NFATC2: variants seen among roughly 807,000 people sequenced by gnomAD.
NFATC2 encodes nuclear factor of activated T cells 2.
In NFATC2, 22 loss-of-function variants were observed where a neutral mutation model predicts 87.3. The ratio of observed to expected loss-of-function variants is 0.25; its 90% CI spans 0.18 to 0.36. The LOEUF is 0.36. Among genes scored for constraint, NFATC2 ranks in the 10% least tolerant of loss-of-function variants. The pLI is 1.00. For synonymous variants in NFATC2, 565 were observed against 542.2 expected (o/e 1.04, Z -0.58); for missense variants, 1,149 against 1,259.1 (o/e 0.91, Z 1.32).
At chr20:51,477,186 T>C (rs187890758) in intron 3 of NFATC2, among the ~76,000 whole-genome samples, 42 of 152,116 alleles carry the variant, frequency 2.8e-4, no homozygotes, top group African/African-American at 9.9e-4. Context: ...AGAAGCACTT[T>C]AAAAAATAGT....
intron 4 of NFATC2, among the ~76,000 whole-genome samples, chr20:51,474,971 A>AT (rs370019272): frequency 0.19 from 26,467 of 141,226 alleles, 2,616 homozygotes; most frequent in Middle Eastern, 0.23. Context: ...TACTTTATTT[A>AT]TTTTTTTTTT....
chr20:51,397,128 C>T (rs1236269823), intron 10 of NFATC2, among the ~76,000 whole-genome samples: 1 of 152,168 alleles, frequency 6.6e-6, no homozygotes, highest in Non-Finnish European at 1.5e-5. Flanking sequence ...CCTGACCTTG[C>T]CTCGGCCTCC....
intron 1 of NFATC2, among the ~76,000 whole-genome samples, chr20:51,551,219 T>G (rs528497198): frequency 4.7e-4 from 71 of 152,224 alleles, no homozygotes; most frequent in Middle Eastern, 6.8e-3. Flanking sequence ...AACTCAGTAA[T>G]TAGATAAATT....
Position 51,388,362 on chromosome 20 carries a change from CCTT to C in NFATC2, c.*3131_*3133del, listed in dbSNP as rs1383710842. On this transcript the variant is annotated 3_prime_UTR_variant, in exon 11 of 11. Transcript: ENST00000371564. ...ATTCTTGAGCAAGAAAAAGGTGATT[CCTT>C]CTTCCACAAAGCCATTCCTTCTCCT... 3.3e-5 allele frequency: 5 copies of C among 152,098 alleles called. No homozygotes were observed. The highest frequency in any genetic ancestry group is 7.4e-5 in the Non-Finnish European group (5 of 68,024). The allele number at this position is 152,098 out of a possible 1,614,324, so 9.4% of individuals were successfully genotyped here. A position where few individuals can be genotyped will look rare whatever the true frequency, so the allele number is the denominator to read the frequency against.
chr20:51,407,697 C>T (rs1568937235), intron 9 of NFATC2, among the ~76,000 whole-genome samples: 1 of 152,210 alleles, frequency 6.6e-6, no homozygotes, highest in African/African-American at 2.4e-5. Flanking sequence ...AGGCCCACAG[C>T]CCCTAGGGCA....
rs1342812961 is a variant in NFATC2 at position 51,524,482 on chromosome 20, C to G, written c.131-372G>C. Among the ~76,000 whole-genome samples, 1 of 152,174 alleles carries G rather than the reference C, an allele frequency of 6.6e-6. No homozygotes were observed. The highest frequency in any genetic ancestry group is 2.4e-5 in the African/African-American group (1 of 41,440). ...CAATACTTACCCCTGCTACATGACA[C>G]CCTCAGACCCTCCCTCCTGCCTGAG... On this transcript the variant is annotated intron_variant, in intron 1 of 10. Transcript: ENST00000371564. The surrounding 1 kb of genome is among the most constrained non-coding windows in gnomAD (Gnocchi z 4.0).
chr20:51,510,920 A>G (rs1185136386), intron 3 of NFATC2, among the ~76,000 whole-genome samples: 1 of 152,240 alleles, frequency 6.6e-6, no homozygotes, highest in Non-Finnish European at 1.5e-5. Flanking sequence ...TAAACCTTGA[A>G]GTAGCACCAT....
intron 9 of NFATC2, among the ~76,000 whole-genome samples, chr20:51,399,506 CA>C (rs148568801): frequency 0.049 from 7,453 of 152,194 alleles, 535 homozygotes; most frequent in African/African-American, 0.16. Context: ...GATGCTTTTT[CA>C]AATAGAGGCA....
At chr20:51,562,743 A>G, upstream of NFATC2, 3 of 1,078,824 alleles carry the variant, frequency 2.8e-6, no homozygotes, top group Non-Finnish European at 4.0e-6. This position sits in a 1 kb window ranked among gnomAD's most constrained non-coding sequence, Gnocchi z 5.8. Flanking sequence ...GCCCTGGCCG[A>G]GGAGCCTCGG....
chr20:51,547,399 C>A (rs1228761431), upstream of NFATC2, among the ~76,000 whole-genome samples: 1 of 152,158 alleles, frequency 6.6e-6, no homozygotes, highest in Non-Finnish European at 1.5e-5. Context: ...TAGAAACAGT[C>A]AAGAAGCACT....
chr20:51,546,982 A>G (rs2076894646), upstream of NFATC2, among the ~76,000 whole-genome samples: 1 of 152,218 alleles, frequency 6.6e-6, no homozygotes, highest in Non-Finnish European at 1.5e-5. Context: ...GCAGGTGCTC[A>G]GGGAAGGATG....
chr20:51,394,570 C>G (rs552864652), intron 10 of NFATC2, among the ~76,000 whole-genome samples: 1 of 148,246 alleles, frequency 6.7e-6, no homozygotes, highest in East Asian at 1.9e-4. Flanking sequence ...TCCTCACTAT[C>G]CCCTGCTGCG....
intron 1 of NFATC2, among the ~76,000 whole-genome samples, chr20:51,532,523 C>G (rs2076651136): frequency 6.6e-6 from 1 of 152,166 alleles, no homozygotes; most frequent in East Asian, 1.9e-4. Flanking sequence ...CACAGTCTCT[C>G]CTTTTGCCCC....
At chr20:51,510,451 T>A (rs1435645102) in intron 3 of NFATC2, among the ~76,000 whole-genome samples, 1 of 152,226 alleles carries the variant, frequency 6.6e-6, no homozygotes, top group Non-Finnish European at 1.5e-5. Flanking sequence ...GGGCGAGGAA[T>A]GATGGCAGGG....
intron 9 of NFATC2, 106 bp from the exon 10 acceptor site, chr20:51,398,836 CT>C: frequency 1.3e-6 from 1 of 789,728 alleles, no homozygotes; most frequent in African/African-American, 1.7e-5. Context: ...CAGGAGGGAA[CT>C]TAACCCTTTG....
intron 5 of NFATC2, among the ~76,000 whole-genome samples, chr20:51,461,029 G>T (rs1205606732): frequency 6.6e-6 from 1 of 152,218 alleles, no homozygotes; most frequent in African/African-American, 2.4e-5. Context: ...ACCTGAGGAC[G>T]GGGAACTCCT....
At chr20:51,396,604 A>G (rs1009254579) in intron 10 of NFATC2, among the ~76,000 whole-genome samples, 1 of 152,190 alleles carries the variant, frequency 6.6e-6, no homozygotes, top group Non-Finnish European at 1.5e-5. Context: ...CCATGGCCAG[A>G]AAGACACTCC....
chr20:51,504,998 C>T (rs1337993537), intron 3 of NFATC2, among the ~76,000 whole-genome samples: 2 of 114,202 alleles, frequency 1.8e-5, no homozygotes, highest in Admixed American at 9.4e-5. Context: ...CTATCTAGTT[C>T]CTTTTTTTTT....
chr20:51,451,074 C>T (rs889659714), intron 6 of NFATC2, among the ~76,000 whole-genome samples: 2 of 152,204 alleles, frequency 1.3e-5, no homozygotes, highest in African/African-American at 4.8e-5. Flanking sequence ...CCATCAGCAA[C>T]AAAAAGATTT....
Sources: gnomAD v4.1 joint callset for allele counts (sites outside exome capture counted in the v4.1 genomes callset) on GRCh38, gnomAD v4.1.1 for gene constraint, Gnocchi (gnomAD v3.1) non-coding constraint, MANE v1.5 for transcripts, NCBI Gene and HGNC (gene_info 2026-07-23, HGNC 2026-07-21) for gene names.